Variants in DGKI observed in about 807,000 individuals in gnomAD.
The protein encoded by DGKI is DAG kinase iota.
Under a neutral mutation model 147.5 loss-of-function variants are expected in DGKI, and 55 were observed. The ratio of observed to expected loss-of-function variants is 0.37; its 90% CI spans 0.30 to 0.47. The LOEUF (loss-of-function observed/expected upper bound fraction) is 0.47. DGKI is among the 20% of genes least tolerant of loss of function. DGKI has a pLI of 1.00. For missense variants in DGKI, 1,007 were observed against 1,323.8 expected (o/e 0.76, Z 3.71); for synonymous variants, 469 against 477.1 (o/e 0.98, Z 0.22).
At chr7:137,643,284 C>G (rs967747784) in intron 6 of DGKI, among the ~76,000 whole-genome samples, 1 of 96,186 alleles carries the variant, frequency 1.0e-5, no homozygotes, top group Non-Finnish European at 1.9e-5. Flanking sequence ...CAGCGAGACT[C>G]CGTCTCAAAA....
intron 8 of DGKI, 39 bp from the exon 9 acceptor site, chr7:137,609,648 C>T (rs747215408): frequency 5.3e-6 from 8 of 1,499,178 alleles, no homozygotes; most frequent in South Asian, 4.5e-5. Context: ...TCAGAGGCAG[C>T]CAGCCCAGGA....
chr7:137,793,367 C>T (rs1796925366), intron 1 of DGKI, among the ~76,000 whole-genome samples: 1 of 150,988 alleles, frequency 6.6e-6, no homozygotes, highest in African/African-American at 2.4e-5. Flanking sequence ...GTGGTATGAT[C>T]TCAGCTCACT....
intron 1 of DGKI, among the ~76,000 whole-genome samples, chr7:137,806,660 C>G (rs953753020): frequency 6.6e-6 from 1 of 152,094 alleles, no homozygotes; most frequent in African/African-American, 2.4e-5. Flanking sequence ...GTCTCGATCT[C>G]CTGACTTCGT....
chr7:137,427,141 T>C (rs1812847627), intron 28 of DGKI, among the ~76,000 whole-genome samples: 1 of 152,008 alleles, frequency 6.6e-6, no homozygotes, highest in South Asian at 2.1e-4. Flanking sequence ...ATTGACCACA[T>C]AGTTGGAAGT....
chr7:137,584,582 CT>C (rs1819320027), intron 14 of DGKI, among the ~76,000 whole-genome samples: 2 of 152,210 alleles, frequency 1.3e-5, no homozygotes, highest in Non-Finnish European at 2.9e-5. Flanking sequence ...GATTGAAAAC[CT>C]GTTGGTTAAC....
chr7:137,835,237 A>G (rs1766689400), intron 1 of DGKI, among the ~76,000 whole-genome samples: 1 of 152,184 alleles, frequency 6.6e-6, no homozygotes, highest in Non-Finnish European at 1.5e-5. Flanking sequence ...GTTTGTTAGC[A>G]GTATTTTCTG....
chr7:137,719,367 TTGGTCAACAGATC>T (rs1458635030), intron 1 of DGKI, among the ~76,000 whole-genome samples: 1 of 152,108 alleles, frequency 6.6e-6, no homozygotes, highest in Non-Finnish European at 1.5e-5. Context: ...CTTGCCGCAT[TTGGTCAACAGATC>T]AGAGAATTTA....
intron 28 of DGKI, among the ~76,000 whole-genome samples, chr7:137,430,705 C>T (rs1311305004): frequency 6.6e-6 from 1 of 151,956 alleles, no homozygotes; most frequent in Non-Finnish European, 1.5e-5. Context: ...AAGAAATTTT[C>T]CAAAAACGAA....
At chr7:137,439,471 G>C (rs1018056952) in intron 28 of DGKI, among the ~76,000 whole-genome samples, 2 of 152,146 alleles carry the variant, frequency 1.3e-5, no homozygotes, top group African/African-American at 2.4e-5. Context: ...GCTTGTGCAG[G>C]GGAACTCCCA....
intron 3 of DGKI, among the ~76,000 whole-genome samples, chr7:137,659,703 C>T (rs545368373): frequency 2.2e-4 from 34 of 152,254 alleles, no homozygotes; most frequent in African/African-American, 6.7e-4. Context: ...GAGGCTGAGG[C>T]GGGCGGATCA....
intron 1 of DGKI, among the ~76,000 whole-genome samples, chr7:137,754,298 G>A (rs971553840): frequency 6.6e-6 from 1 of 152,160 alleles, no homozygotes; most frequent in African/African-American, 2.4e-5. Flanking sequence ...GGAGGTCCTT[G>A]TGTCCTCCCC....
At chr7:137,750,088 A>C (rs1218526594) in intron 1 of DGKI, among the ~76,000 whole-genome samples, 1 of 152,208 alleles carries the variant, frequency 6.6e-6, no homozygotes, top group East Asian at 1.9e-4. Context: ...ACAAAAGAAC[A>C]TATCAGCAGA....
At chr7:137,719,454 G>A (rs996693539) in intron 1 of DGKI, among the ~76,000 whole-genome samples, 1 of 151,946 alleles carries the variant, frequency 6.6e-6, no homozygotes, top group Non-Finnish European at 1.5e-5. Context: ...AGAATCATCA[G>A]AGTTTTCCAG....
chr7:137,779,584 AT>A (rs1376665363), intron 1 of DGKI, among the ~76,000 whole-genome samples: 3 of 152,146 alleles, frequency 2.0e-5, no homozygotes, highest in Admixed American at 6.6e-5. Context: ...TTGTATCCAG[AT>A]TTTTTTAACT....
At chr7:137,483,199 A>G (rs1736252513) in intron 23 of DGKI, among the ~76,000 whole-genome samples, 1 of 152,100 alleles carries the variant, frequency 6.6e-6, no homozygotes, top group African/African-American at 2.4e-5. Flanking sequence ...GGTACAAAAT[A>G]CCCACAATTT....
intron 8 of DGKI, among the ~76,000 whole-genome samples, chr7:137,618,299 T>A (rs1457111346): frequency 6.7e-6 from 1 of 149,262 alleles, no homozygotes; most frequent in African/African-American, 2.4e-5. Context: ...ACCCTCTGCA[T>A]AAACCCTGCA....
intron 1 of DGKI, among the ~76,000 whole-genome samples, chr7:137,821,908 T>A (rs1797913742): frequency 6.6e-6 from 1 of 152,180 alleles, no homozygotes; most frequent in East Asian, 1.9e-4. Flanking sequence ...ACAGGAAGAA[T>A]CCTTTCTAGA....
chr7:137,812,226 G>A, intron 1 of DGKI, among the ~76,000 whole-genome samples: 1 of 152,202 alleles, frequency 6.6e-6, no homozygotes, highest in East Asian at 1.9e-4. Flanking sequence ...AAGTCTTTGA[G>A]TTGCAGTTTC....
intron 1 of DGKI, among the ~76,000 whole-genome samples, chr7:137,770,379 C>T (rs1796152690): frequency 6.6e-6 from 1 of 151,994 alleles, no homozygotes; most frequent in Non-Finnish European, 1.5e-5. Flanking sequence ...GGGCTTAAAA[C>T]CTAGATGACG....
Sources: allele counts gnomAD v4.1 joint callset (sites outside exome capture counted in the v4.1 genomes callset), GRCh38; gene constraint gnomAD v4.1.1; transcripts MANE v1.5; gene names NCBI Gene and HGNC (gene_info 2026-07-23, HGNC 2026-07-21).